SPATS2L: variants seen among roughly 807,000 people sequenced by gnomAD.
The protein encoded by SPATS2L is spermatogenesis associated serine rich 2 like, also known as SPATS2-like protein.
SPATS2L carries 30 observed loss-of-function variants against 59.6 expected under a neutral mutation model. The observed-to-expected ratio is 0.50, with a 90% CI of 0.38 to 0.68. The LOEUF (loss-of-function observed/expected upper bound fraction) is 0.68. SPATS2L is among the 30% of genes least tolerant of loss of function. The pLI is 0.00. For synonymous variants in SPATS2L, 252 were observed against 263.5 expected (o/e 0.96, Z 0.42); for missense variants, 615 against 700.0 (o/e 0.88, Z 1.37).
rs1456056366 is a variant in SPATS2L, at chr2:200,309,178, C to T, written c.-73+2256C>T. On this transcript the variant is annotated intron_variant, in intron 1 of 12. Coordinates refer to ENST00000409140, the MANE Select transcript of SPATS2L (RefSeq NM_001100423.2). The stretch of plus-strand genomic sequence containing the variant: ...TTTTGTGAGTTTCTCAGTCTGCGAT[C>T]AGAGTTGTGTTATCAATCACAGTGA... 4.2e-6 allele frequency: 3 copies of T among 716,180 alleles called. No homozygotes were observed. In the African/African-American group the frequency reaches 5.2e-5, roughly 13 times the overall value. The allele number at this position is 716,180 out of a possible 1,614,324, so 44.4% of individuals were successfully genotyped here. A position where few individuals can be genotyped will look rare whatever the true frequency, so the allele number is the denominator to read the frequency against.
intron 2 of SPATS2L, among the ~76,000 whole-genome samples, chr2:200,339,152 T>C (rs1381338379): frequency 1.3e-5 from 2 of 152,250 alleles, no homozygotes; most frequent in Non-Finnish European, 2.9e-5. Flanking sequence ...CACATGTTAT[T>C]ATTGTATATA....
chr2:200,448,213 G>A lies in SPATS2L; in HGVS notation c.788+7429G>A, dbSNP rs999449792. 3.9e-5 allele frequency among the ~76,000 whole-genome samples: 6 copies of A among 152,154 alleles called. 1 individual carries two copies. The highest frequency in any genetic ancestry group is 1.3e-4 in the Admixed American group (2 of 15,276). On this transcript the variant is annotated intron_variant, in intron 8 of 12. Transcript: ENST00000409140. Reference sequence around the variant, plus strand: ...TCCCAGCACTTTGGGAGGCTGAGGTGGGTAGATCACTTGAGGTCAGGAGTT... The same window carrying A: ...TCCCAGCACTTTGGGAGGCTGAGGTAGGTAGATCACTTGAGGTCAGGAGTT...
rs1320731663 is a variant in SPATS2L at position 200,478,203 on chromosome 2, T to C, written c.*172T>C. 5 of 586,496 alleles carry C rather than the reference T, an allele frequency of 8.5e-6. No individual in the cohort carries two copies. The highest frequency in any genetic ancestry group is 1.9e-5 in the African/African-American group (1 of 51,778). 36.3% of individuals were successfully genotyped at this position (586,496 alleles called of 1,614,324 possible). On this transcript the variant is annotated 3_prime_UTR_variant, in exon 13 of 13. Transcript: ENST00000409140. ...TAATCAGCTCTAGCTTGCTTCATAA[T>C]TTTCATGGCTTTGCTTGATCTGTTG...
At chr2:200,309,264 CA>C (rs1317304807) in intron 1 of SPATS2L, among the ~76,000 whole-genome samples, 2 of 152,310 alleles carry the variant, frequency 1.3e-5, no homozygotes, top group East Asian at 3.9e-4. Flanking sequence ...TTACTTTACA[CA>C]GTTTTAATCA....
intron 2 of SPATS2L, among the ~76,000 whole-genome samples, chr2:200,371,791 G>A (rs2081434644): frequency 6.6e-6 from 1 of 152,176 alleles, no homozygotes; most frequent in South Asian, 2.1e-4. Flanking sequence ...TGCAGATTGT[G>A]GGTACATTAG....
intron 1 of SPATS2L, 134 bp from the exon 2 acceptor site, chr2:200,329,297 A>C (rs551578860): frequency 1.4e-6 from 1 of 721,316 alleles, no homozygotes; most frequent in East Asian, 2.7e-5. Flanking sequence ...ATAGCTGTTA[A>C]GTCATGGGTG....
intron 1 of SPATS2L, among the ~76,000 whole-genome samples, chr2:200,327,277 AC>A (rs1244834615): frequency 2.0e-5 from 3 of 151,922 alleles, no homozygotes; most frequent in African/African-American, 7.2e-5. Context: ...GGTGGCATGC[AC>A]CTGTAATCCC....
At chr2:200,422,431 G>A (rs1450445495) in intron 6 of SPATS2L, among the ~76,000 whole-genome samples, 1 of 151,626 alleles carries the variant, frequency 6.6e-6, no homozygotes, top group African/African-American at 2.4e-5. Context: ...CAGCTACCTG[G>A]GAGGCTGAGG....
At position 200,389,270 on chromosome 2, in the gene SPATS2L, A is replaced by G; in HGVS notation, c.26A>G (p.Asn9Ser). 1 of 1,584,144 alleles carries G rather than the reference A, an allele frequency of 6.3e-7. No individual in the cohort carries two copies. Among genetic ancestry groups the G allele is most frequent in the Non-Finnish European group, 8.6e-7 (1 of 1,162,908 alleles). The change falls in exon 3 of 13, where the codon AAT (asparagine) becomes AGT (serine). Residue 9 changes from asparagine to serine, a missense_variant. Transcript: ENST00000409140. Reference protein sequence around the residue: MAELNTHVNVKEKIYAVRS... With the variant: MAELNTHVSVKEKIYAVRS... ...ATGGCTGAACTCAATACTCATGTGA[A>G]TGTCAAGGAAAAGGTAAGATCAAGT...
In SPATS2L at chr2:200,412,400, C is replaced by T. The variant is rs765744212; in HGVS notation, c.129C>T (p.Ala43=). The T allele has an allele frequency of 2.5e-5, 40 of 1,600,446 alleles. No homozygotes were observed. The East Asian group carries it at 4.7e-4, about 19-fold the overall frequency. The part of the protein sequence containing the change: ...LQQFDFNVDK[A]VQAFVDGSAI... Reference sequence around the variant, plus strand: ...AGTTTGATTTTAATGTGGATAAAGCCGTGCAAGCCTTTGTGGATGGTAGGT... The same window carrying T: ...AGTTTGATTTTAATGTGGATAAAGCTGTGCAAGCCTTTGTGGATGGTAGGT... Residue 43 remains alanine (A), a synonymous_variant, in exon 4 of 13, where the codon GCC becomes GCT. Coordinates refer to ENST00000409140, the MANE Select transcript of SPATS2L (RefSeq NM_001100423.2).
intron 2 of SPATS2L, among the ~76,000 whole-genome samples, chr2:200,363,323 A>G (rs1418059601): frequency 1.3e-5 from 2 of 152,036 alleles, no homozygotes; most frequent in Non-Finnish European, 1.5e-5. Context: ...TACATACTCT[A>G]TCGGGGACTT....
chr2:200,307,221 G>C (rs1366404047), intron 1 of SPATS2L, among the ~76,000 whole-genome samples: 1 of 151,544 alleles, frequency 6.6e-6, no homozygotes, highest in African/African-American at 2.4e-5. Context: ...GCGTGTGGCC[G>C]CCGCGCTCCG....
At chr2:200,344,056 T>A (rs1007411957) in intron 2 of SPATS2L, among the ~76,000 whole-genome samples, 20 of 151,850 alleles carry the variant, frequency 1.3e-4, no homozygotes, top group East Asian at 5.8e-4. Context: ...TTAAAAAAAA[T>A]TTATTTTTAA....
At chr2:200,314,406 A>G (rs1026841203) in intron 1 of SPATS2L, among the ~76,000 whole-genome samples, 2 of 152,174 alleles carry the variant, frequency 1.3e-5, no homozygotes, top group Admixed American at 1.3e-4. Context: ...GGATTATTGC[A>G]GTAGCCTCGC....
At chr2:200,407,223 A>G (rs1471678220) in intron 3 of SPATS2L, among the ~76,000 whole-genome samples, 2 of 152,330 alleles carry the variant, frequency 1.3e-5, no homozygotes, top group Middle Eastern at 3.4e-3. Flanking sequence ...TCCTCATTTT[A>G]CAGCTACAGA....
At chr2:200,326,901 A>ATT (rs755351538) in intron 1 of SPATS2L, among the ~76,000 whole-genome samples, 3,513 of 98,998 alleles carry the variant, frequency 0.035, 115 homozygotes, top group Middle Eastern at 0.065. Flanking sequence ...TGCCCGGCTA[A>ATT]TTTTTTTTTT....
chr2:200,370,324 A>T (rs1325287744), intron 2 of SPATS2L, among the ~76,000 whole-genome samples: 1 of 152,208 alleles, frequency 6.6e-6, no homozygotes, highest in Non-Finnish European at 1.5e-5. Flanking sequence ...AAGTGAAGAG[A>T]ATGTAATAGA....
At chr2:200,372,739 A>C (rs895524680) in intron 2 of SPATS2L, among the ~76,000 whole-genome samples, 4 of 152,128 alleles carry the variant, frequency 2.6e-5, no homozygotes, top group African/African-American at 9.7e-5. Flanking sequence ...GAGAGGTTTC[A>C]GTCCCAGCCT....
At chr2:200,322,274 G>A (rs2079586920) in intron 1 of SPATS2L, among the ~76,000 whole-genome samples, 1 of 152,198 alleles carries the variant, frequency 6.6e-6, no homozygotes. Flanking sequence ...CTTTGTTTTA[G>A]TTGTACGGAC....
Sources: allele counts gnomAD v4.1 joint callset (sites outside exome capture counted in the v4.1 genomes callset), GRCh38; gene constraint gnomAD v4.1.1; transcripts MANE v1.5; gene names NCBI Gene and HGNC (gene_info 2026-07-23, HGNC 2026-07-21).